Variants in NCF2 observed in about 807,000 individuals in gnomAD.
The protein encoded by NCF2 is neutrophil cytosolic factor 2.
In NCF2, 45 loss-of-function variants were observed where a neutral mutation model predicts 70.9. That is an observed-to-expected ratio of 0.63 (90% CI 0.50 to 0.81). The LOEUF (loss-of-function observed/expected upper bound fraction) is 0.81, where lower values mean the gene tolerates loss of function less well. Among genes scored for constraint, NCF2 ranks in the 40% least tolerant of loss-of-function variants. The pLI, the probability that NCF2 is intolerant of heterozygous loss-of-function variation, is 0.00. For missense variants in NCF2, 522 were observed against 631.6 expected (o/e 0.83, Z 1.86); for synonymous variants, 203 against 233.6 (o/e 0.87, Z 1.19).
Position 183,555,812 on chromosome 1 carries a change from G to GCACT in NCF2, c.*302_*305dup. On this transcript the variant is annotated 3_prime_UTR_variant, in exon 15 of 15. Coordinates refer to ENST00000367535, the MANE Select transcript of NCF2 (RefSeq NM_000433.4). ...CAGTGTGAACACAGCTGGCTAGCTA[G>GCACT]CACTCAGAGCAAGAAACAGGATCAG... The GCACT allele has an allele frequency of 2.3e-6, 1 of 434,086 alleles. No homozygotes were observed. Among genetic ancestry groups the GCACT allele is most frequent in the Non-Finnish European group, 4.2e-6 (1 of 236,016 alleles). The allele number at this position is 434,086 out of a possible 1,614,324, so 26.9% of individuals were successfully genotyped here.
At position 183,571,408 on chromosome 1, in the gene NCF2, C is replaced by A. The variant is rs559310079; in HGVS notation, c.610-569G>T. Among the ~76,000 whole-genome samples, 6 of 152,292 alleles carry A rather than the reference C, an allele frequency of 3.9e-5. No homozygotes were observed. The South Asian group carries it at 1.2e-3, about 32-fold the overall frequency. ...CTGGGATTATAGGCATGAGCCACCA[C>A]GCCCAGCCCAAATTAATCATTTTAA... is the stretch of plus-strand genomic sequence containing the variant. On this transcript the variant is annotated intron_variant, in intron 5 of 14. Transcript: ENST00000367535.
chr1:183,575,273 C>T (rs1340282347), intron 3 of NCF2, among the ~76,000 whole-genome samples: 1 of 152,222 alleles, frequency 6.6e-6, no homozygotes, highest in Non-Finnish European at 1.5e-5. Flanking sequence ...AGTTTGAGAT[C>T]AGCCTGGCCA....
At chr1:183,566,290 G>GCT (rs1672295538) in intron 9 of NCF2, among the ~76,000 whole-genome samples, 1 of 152,236 alleles carries the variant, frequency 6.6e-6, no homozygotes, top group African/African-American at 2.4e-5. Flanking sequence ...GACAAAGACA[G>GCT]CTCTCTAGGC....
chr1:183,565,674 G>GGACCACTC, intron 10 of NCF2, 30 bp downstream of exon 10: 3 of 1,606,460 alleles, frequency 1.9e-6, no homozygotes, highest in Non-Finnish European at 2.6e-6. Flanking sequence ...GCTGCACCCA[G>GGACCACTC]ACCTAGGCTG....
chr1:183,585,845 T>G (rs181748866), intron 2 of NCF2, among the ~76,000 whole-genome samples: 18 of 152,344 alleles, frequency 1.2e-4, no homozygotes, highest in Non-Finnish European at 2.4e-4. Context: ...TTTATTAATC[T>G]TTGTACTAAT....
At chr1:183,586,185 T>C (rs552220613) in intron 2 of NCF2, among the ~76,000 whole-genome samples, 32 of 152,150 alleles carry the variant, frequency 2.1e-4, no homozygotes, top group Middle Eastern at 3.4e-3. Flanking sequence ...AAATACAAAA[T>C]TAGCTGGGTG....
intron 1 of NCF2, among the ~76,000 whole-genome samples, chr1:183,587,497 G>A (rs1490020102): frequency 1.3e-5 from 2 of 148,860 alleles, no homozygotes; most frequent in African/African-American, 4.9e-5. Context: ...GGGGGACTGA[G>A]GTAGGTCAAT....
chr1:183,570,449 T>C (rs1017996916), intron 6 of NCF2, among the ~76,000 whole-genome samples: 1 of 152,226 alleles, frequency 6.6e-6, no homozygotes. Flanking sequence ...TAATAAGCCT[T>C]CCATAGCTTG....
At chr1:183,560,017 G>C (rs1671971000) in intron 14 of NCF2, 79 bp downstream of exon 14, 1 of 1,456,266 alleles carries the variant, frequency 6.9e-7, no homozygotes. Context: ...GTAGATTATT[G>C]ATATTTTCTT....
rs759525280 is a variant in NCF2 at position 183,574,449 on chromosome 1, TG to T, written c.501+37del. On this transcript the variant is annotated intron_variant, in intron 4 of 14. Transcript: ENST00000367535. ...TCCTCTGAGACAAATGAGAATCCAG[TG>T]ACATCCTCTCAACACCTGCATCACC... The T allele has an allele frequency of 1.9e-6, 3 of 1,613,684 alleles. No homozygotes were observed. The East Asian group carries it at 6.7e-5, about 36-fold the overall frequency.
At chr1:183,560,018 A>G in intron 14 of NCF2, 78 bp downstream of exon 14, 1 of 1,466,352 alleles carries the variant, frequency 6.8e-7, no homozygotes, top group South Asian at 1.2e-5. Context: ...TAGATTATTG[A>G]TATTTTCTTC....
chr1:183,595,851 TA>T (rs1673754630), upstream of NCF2, among the ~76,000 whole-genome samples: 1 of 152,192 alleles, frequency 6.6e-6, no homozygotes, highest in African/African-American at 2.4e-5. Context: ...TTCTATTGAT[TA>T]AAAGCAAGTT....
upstream of NCF2, among the ~76,000 whole-genome samples, chr1:183,594,626 A>ATAAAATT (rs1351468531): frequency 6.6e-6 from 1 of 152,256 alleles, no homozygotes; most frequent in Non-Finnish European, 1.5e-5. Context: ...TACTTGTTAA[A>ATAAAATT]TAAAATTTGT....
Position 183,583,622 on chromosome 1 carries a change from G to A in NCF2, c.257+3273C>T, listed in dbSNP as rs147599741. Among the ~76,000 whole-genome samples the A allele has an allele frequency of 1.3e-3, 201 of 152,286 alleles. 2 individuals are homozygous for A. The highest frequency in any genetic ancestry group is 1.0e-3 in the Non-Finnish European group (68 of 68,022). ...GCATGAGTAAGTAAAGATTTCTTAC[G>A]AAATTCGTAGAGTAGTGGAGAAGAC... On this transcript the variant is annotated intron_variant, in intron 2 of 14. Coordinates refer to ENST00000367535, the MANE Select transcript of NCF2 (RefSeq NM_000433.4).
intron 1 of NCF2, 119 bp downstream of exon 1, chr1:183,590,037 C>T: frequency 3.4e-6 from 5 of 1,487,368 alleles, no homozygotes; most frequent in Non-Finnish European, 4.7e-6. Context: ...AGGGGTGGAG[C>T]TTGGGCAACT....
upstream of NCF2, among the ~76,000 whole-genome samples, chr1:183,595,579 C>T (rs953483253): frequency 4.6e-5 from 7 of 152,228 alleles, no homozygotes; most frequent in South Asian, 4.2e-4. Flanking sequence ...GGAGACTTGA[C>T]GGCATCTGCT....
chr1:183,573,282 A>T lies in NCF2; in HGVS notation c.512T>A (p.Leu171Gln). 1 of 1,614,048 alleles carries T rather than the reference A, an allele frequency of 6.2e-7. No homozygotes were observed. The highest frequency in any genetic ancestry group is 8.5e-7 in the Non-Finnish European group (1 of 1,179,896). ...CACAGGGATCACCACTGGCTCATAT[A>T]GCTTCTGCTTCTGTAACACAGAAAA... is the stretch of plus-strand genomic sequence containing the variant. ...KAMECVWKQK[L>Q]YEPVVIPVGK... Residue 171 changes from leucine (L) to glutamine (Q), a missense_variant, in exon 5 of 15, where the codon CTA becomes CAA. Physicochemically the swap from Leu to Gln is moderately radical, Grantham distance 113. Transcript: ENST00000367535.
chr1:183,573,317 C>A (rs1224462058), intron 4 of NCF2, 25 bp from the exon 5 acceptor site: 1 of 1,603,520 alleles, frequency 6.2e-7, no homozygotes, highest in South Asian at 1.1e-5. Flanking sequence ...ACGTAGCATT[C>A]CCTTATGTGA....
Position 183,590,174 on chromosome 1 carries a change from G to T in NCF2, c.156C>A (p.Asn52Lys), listed in dbSNP as rs752384353. The T allele has an allele frequency of 1.9e-6, 3 of 1,614,214 alleles. No homozygotes were observed. The South Asian group carries it at 3.3e-5, about 18-fold the overall frequency. ...CACTCACCTTCTCTGCTTCAGTCATGTTCTTCAGGATAGTGTACATGCAGC... is the reference window on the plus strand; with the variant it reads ...CACTCACCTTCTCTGCTTCAGTCATTTTCTTCAGGATAGTGTACATGCAGC... ...NIGCMYTILK[N>K]MTEAEKAFTR... The change falls in exon 1 of 15, where the codon AAC becomes AAA. Residue 52 changes from asparagine (N) to lysine (K), a missense_variant. Asn to Lys is a moderately conservative substitution (Grantham distance 94). Coordinates refer to ENST00000367535, the MANE Select transcript of NCF2 (RefSeq NM_000433.4).
Sources: gnomAD v4.1 joint callset for allele counts (sites outside exome capture counted in the v4.1 genomes callset) on GRCh38, gnomAD v4.1.1 for gene constraint, MANE v1.5 for transcripts, NCBI Gene and HGNC (gene_info 2026-07-23, HGNC 2026-07-21) for gene names.